OTOG: variants seen among roughly 807,000 people sequenced by gnomAD.
The protein encoded by OTOG is otogelin.
Under a neutral mutation model 313.8 loss-of-function variants are expected in OTOG, and 296 were observed. The observed-to-expected ratio is 0.94, with a 90% CI of 0.86 to 1.04. The LOEUF (loss-of-function observed/expected upper bound fraction) is 1.04. OTOG is among the 50% of genes least tolerant of loss of function. The pLI, the probability that OTOG is intolerant of heterozygous loss-of-function variation, is 0.00. For synonymous variants in OTOG, 1,533 were observed against 1,554.9 expected (o/e 0.99, Z 0.33); for missense variants, 3,948 against 3,840.1 (o/e 1.03, Z -0.74).
At chr11:17,571,142 C>T (rs1385526674) in intron 17 of OTOG, among the ~76,000 whole-genome samples, 1 of 152,178 alleles carries the variant, frequency 6.6e-6, no homozygotes, top group Non-Finnish European at 1.5e-5. Flanking sequence ...CTGTGAAGAA[C>T]AAGAACAAAA....
At chr11:17,585,886 C>T (rs890960297) in intron 23 of OTOG, among the ~76,000 whole-genome samples, 3 of 152,186 alleles carry the variant, frequency 2.0e-5, no homozygotes, top group East Asian at 1.9e-4. Flanking sequence ...CAGGTAGATC[C>T]TGGATTTGAA....
intron 15 of OTOG, among the ~76,000 whole-genome samples, chr11:17,562,892 G>A (rs1852219664): frequency 6.6e-6 from 1 of 152,174 alleles, no homozygotes; most frequent in African/African-American, 2.4e-5. Context: ...GGATGAATTA[G>A]ACATGGCTCC....
At chr11:17,627,393 C>T (rs1311941007) in intron 39 of OTOG, among the ~76,000 whole-genome samples, 3 of 151,672 alleles carry the variant, frequency 2.0e-5, no homozygotes, top group African/African-American at 7.3e-5. Context: ...GTTTTTTTGT[C>T]CTTTATTCTG....
At chr11:17,643,370 C>A in intron 53 of OTOG, 91 bp from the exon 54 acceptor site, 1 of 894,032 alleles carries the variant, frequency 1.1e-6, no homozygotes, top group Non-Finnish European at 1.6e-6. Flanking sequence ...AGAGTCAAGA[C>A]TCCTGTACTC....
chr11:17,578,331 C>A, intron 22 of OTOG, 42 bp from the exon 23 acceptor site: 1 of 1,440,386 alleles, frequency 6.9e-7, no homozygotes. Context: ...GGAGCCCATA[C>A]TGAGGCCCCA....
At chr11:17,583,935 A>G (rs1195873149) in intron 23 of OTOG, among the ~76,000 whole-genome samples, 1 of 152,194 alleles carries the variant, frequency 6.6e-6, no homozygotes, top group Non-Finnish European at 1.5e-5. Context: ...AAGTCCTCCA[A>G]ACCACAAATA....
chr11:17,586,454 T>A lies in OTOG; in HGVS notation c.2760-20T>A, dbSNP rs1451694808. On this transcript the variant is annotated intron_variant, in intron 23 of 55. Transcript: ENST00000399397. ...TGGGAAGAGTGCTCTCCTGACCGCC[T>A]GCTTGCTGTGTCTCTACAGTCTGCT... The A allele has an allele frequency of 2.3e-5, 31 of 1,344,666 alleles. No individual in the cohort carries two copies. Among genetic ancestry groups the A allele is most frequent in the Non-Finnish European group, 2.9e-5 (30 of 1,037,250 alleles). The allele number at this position is 1,344,666 out of a possible 1,614,324, so 83.3% of individuals were successfully genotyped here.
intron 26 of OTOG, 37 bp downstream of exon 26, chr11:17,593,364 T>A (rs1852998319): frequency 6.5e-7 from 1 of 1,548,194 alleles, no homozygotes; most frequent in South Asian, 1.2e-5. Context: ...TGTAGACAAT[T>A]TACAGGTTAC....
intron 40 of OTOG, 32 bp from the exon 41 acceptor site, chr11:17,631,670 C>T (rs1394932093): frequency 1.1e-5 from 17 of 1,510,710 alleles, no homozygotes; most frequent in East Asian, 2.5e-5. Flanking sequence ...TAGTGATGAT[C>T]GTGGCTGTTG....
chr11:17,565,138 G>A (rs987433638), intron 15 of OTOG, among the ~76,000 whole-genome samples: 1 of 152,248 alleles, frequency 6.6e-6, no homozygotes, highest in African/African-American at 2.4e-5. Flanking sequence ...TTTACCTAAT[G>A]TCATTTTCTG....
At chr11:17,584,383 G>A (rs1198285321) in intron 23 of OTOG, among the ~76,000 whole-genome samples, 2 of 152,076 alleles carry the variant, frequency 1.3e-5, no homozygotes, top group African/African-American at 2.4e-5. Flanking sequence ...GTCTTGTTTT[G>A]GATAAAGCAG....
At chr11:17,572,315 A>G (rs996755821) in intron 18 of OTOG, 111 bp downstream of exon 18, 2 of 1,414,598 alleles carry the variant, frequency 1.4e-6, no homozygotes, top group Admixed American at 4.6e-5. Flanking sequence ...AATTTGTAGG[A>G]GTGATAAGAG....
chr11:17,604,840 C>A (rs1475798674), intron 32 of OTOG, among the ~76,000 whole-genome samples: 1 of 152,246 alleles, frequency 6.6e-6, no homozygotes, highest in Non-Finnish European at 1.5e-5. Flanking sequence ...TAGCACAGTG[C>A]CTGGCACGTA....
At chr11:17,553,622 C>T (rs1851994809) in intron 6 of OTOG, 103 bp downstream of exon 6, 8 of 1,116,036 alleles carry the variant, frequency 7.2e-6, no homozygotes, top group Non-Finnish European at 9.2e-6. Flanking sequence ...CTGGCACCTT[C>T]CTCCTTGCAT....
intron 46 of OTOG, 84 bp from the exon 47 acceptor site, chr11:17,635,523 TGAG>T (rs1385514099): frequency 2.1e-5 from 22 of 1,042,378 alleles, no homozygotes; most frequent in Non-Finnish European, 2.7e-5. Flanking sequence ...CCTGGGTTGT[TGAG>T]GAGGCCCCAC....
At chr11:17,582,343 C>A (rs1852689365) in intron 23 of OTOG, among the ~76,000 whole-genome samples, 1 of 152,116 alleles carries the variant, frequency 6.6e-6, no homozygotes, top group Admixed American at 6.6e-5. Context: ...CCATTTTGAT[C>A]TGGATTCTTT....
chr11:17,587,094 C>A (rs1026207157), intron 24 of OTOG, among the ~76,000 whole-genome samples: 1 of 152,174 alleles, frequency 6.6e-6, no homozygotes, highest in Non-Finnish European at 1.5e-5. Context: ...TTTTTAATGG[C>A]TATACATATT....
chr11:17,582,238 G>A (rs1289745541), intron 23 of OTOG, among the ~76,000 whole-genome samples: 3 of 151,976 alleles, frequency 2.0e-5, no homozygotes, highest in African/African-American at 7.3e-5. Flanking sequence ...AACACTGGCC[G>A]GCTTTTTGTC....
rs1363653434 is a variant in OTOG, at chr11:17,610,143, C to A, written c.4843C>A (p.Leu1615Ile). Residue 1615 changes from leucine to isoleucine, a missense_variant, in exon 36 of 56, where the codon CTC becomes ATC. Transcript: ENST00000399397. ...SRSPPAPRFP[L>I]MTKAVTVRGH... ...GTCGCCCCCTGCCCCTCGCTTCCCGCTCATGACCAAGGCTGTGACAGTCCG... is the reference window on the plus strand; with the variant it reads ...GTCGCCCCCTGCCCCTCGCTTCCCGATCATGACCAAGGCTGTGACAGTCCG... 6.4e-7 allele frequency: 1 copy of A among 1,550,666 alleles called. No homozygotes were observed. The highest frequency in any genetic ancestry group is 2.4e-5 in the East Asian group (1 of 40,916).
Sources: allele counts gnomAD v4.1 joint callset (sites outside exome capture counted in the v4.1 genomes callset), GRCh38; gene constraint gnomAD v4.1.1; transcripts MANE v1.5; gene names NCBI Gene and HGNC (gene_info 2026-07-23, HGNC 2026-07-21).